ZNF804B: variants seen among roughly 807,000 people sequenced by gnomAD.
The protein encoded by ZNF804B is zinc finger protein 804B.
A neutral mutation model predicts 101.4 loss-of-function variants in ZNF804B; 80 were observed. That is an observed-to-expected ratio of 0.79 (90% CI 0.66 to 0.95). The LOEUF (loss-of-function observed/expected upper bound fraction) is 0.95. ZNF804B is among the 40% of genes least tolerant of loss of function. The probability of loss-of-function intolerance (pLI) is 0.00; values close to 1 mark genes in which losing one functional copy is unlikely to be tolerated. For synonymous variants in ZNF804B, 622 were observed against 558.8 expected (o/e 1.11, Z -1.59); for missense variants, 1,673 against 1,561.9 (o/e 1.07, Z -1.20).
intron 2 of ZNF804B, among the ~76,000 whole-genome samples, chr7:89,233,609 G>A (rs1207156149): frequency 6.6e-6 from 1 of 151,672 alleles, no homozygotes; most frequent in Non-Finnish European, 1.5e-5. Flanking sequence ...TAGGCTGGAG[G>A]AACACTGAAA....
intron 1 of ZNF804B, among the ~76,000 whole-genome samples, chr7:88,849,886 G>A (rs990238020): frequency 7.2e-5 from 11 of 151,764 alleles, no homozygotes; most frequent in Non-Finnish European, 2.9e-5. Flanking sequence ...AACTTATGGA[G>A]TTAAGTTCTC....
intron 1 of ZNF804B, among the ~76,000 whole-genome samples, chr7:88,826,337 A>G (rs936967305): frequency 1.3e-4 from 20 of 152,180 alleles, no homozygotes; most frequent in African/African-American, 4.8e-4. Flanking sequence ...TAAACAAGTC[A>G]CTTAACCTCC....
At chr7:88,981,338 G>A (rs920142162) in intron 1 of ZNF804B, among the ~76,000 whole-genome samples, 1 of 152,068 alleles carries the variant, frequency 6.6e-6, no homozygotes, top group African/African-American at 2.4e-5. Context: ...TCTACCTGAT[G>A]CTCTATTCTA....
At chr7:89,157,534 G>T (rs758228866) in intron 1 of ZNF804B, among the ~76,000 whole-genome samples, 1 of 151,908 alleles carries the variant, frequency 6.6e-6, no homozygotes, top group Non-Finnish European at 1.5e-5. Flanking sequence ...TTTTATAAAA[G>T]TGATCAGGTT....
At chr7:89,157,913 G>A (rs902189413) in intron 1 of ZNF804B, among the ~76,000 whole-genome samples, 7 of 152,084 alleles carry the variant, frequency 4.6e-5, no homozygotes, top group African/African-American at 1.2e-4. Flanking sequence ...AGTTAATACC[G>A]TAAGTTGAGC....
intron 1 of ZNF804B, among the ~76,000 whole-genome samples, chr7:89,069,098 A>G (rs1789497858): frequency 6.6e-6 from 1 of 152,216 alleles, no homozygotes. Context: ...CCCTGTAGGC[A>G]AAAGACACAA....
chr7:88,773,991 C>G (rs1426632609), intron 1 of ZNF804B, among the ~76,000 whole-genome samples: 5 of 151,848 alleles, frequency 3.3e-5, no homozygotes, highest in Non-Finnish European at 5.9e-5. Flanking sequence ...CAAACTGTAT[C>G]AGTGACCAAA....
chr7:89,078,122 G>A (rs1314436536), intron 1 of ZNF804B, among the ~76,000 whole-genome samples: 3 of 152,002 alleles, frequency 2.0e-5, no homozygotes, highest in African/African-American at 4.8e-5. Flanking sequence ...CTTAGTAATG[G>A]GATAGTGAGC....
chr7:88,800,893 G>A (rs1444911142), intron 1 of ZNF804B, among the ~76,000 whole-genome samples: 3 of 152,012 alleles, frequency 2.0e-5, no homozygotes, highest in Admixed American at 6.6e-5. Context: ...GGCCAAAAAT[G>A]TCTAAGTTAG....
At position 89,334,632 on chromosome 7, in the gene ZNF804B, G is replaced by C. The variant is rs1006676024; in HGVS notation, c.1650G>C (p.Arg550Ser). 11 of 1,613,628 alleles carry C rather than the reference G, an allele frequency of 6.8e-6. No individual in the cohort carries two copies. The highest frequency in any genetic ancestry group is 1.3e-5 in the African/African-American group (1 of 74,876). Residue 550 changes from arginine (R) to serine (S), a missense_variant, in exon 4 of 4, where the codon AGG becomes AGC. By Grantham distance (110) the Arg-to-Ser change is moderately radical. Coordinates refer to ENST00000333190, the MANE Select transcript of ZNF804B (RefSeq NM_181646.5). Reference sequence around the variant, plus strand: ...ATCCGGATTGGGAAAAATTCCAGAGGAAATATAATTTGGACTACAGTGATT... The same window carrying C: ...ATCCGGATTGGGAAAAATTCCAGAGCAAATATAATTTGGACTACAGTGATT... ...IANPDWEKFQRKYNLDYSDSE... is the reference protein window; with the variant it reads ...IANPDWEKFQSKYNLDYSDSE...
intron 1 of ZNF804B, among the ~76,000 whole-genome samples, chr7:88,982,033 G>C (rs934400322): frequency 6.6e-5 from 10 of 151,948 alleles, no homozygotes; most frequent in African/African-American, 2.4e-4. Flanking sequence ...TCGGGAGGAT[G>C]ATCACTGGAG....
intron 2 of ZNF804B, among the ~76,000 whole-genome samples, chr7:89,322,871 T>G (rs1192147764): frequency 6.6e-6 from 1 of 152,198 alleles, no homozygotes; most frequent in Non-Finnish European, 1.5e-5. Flanking sequence ...ATATTAATTG[T>G]ATGCACAGTC....
At chr7:89,194,143 C>T (rs1788506235) in intron 1 of ZNF804B, among the ~76,000 whole-genome samples, 1 of 151,936 alleles carries the variant, frequency 6.6e-6, no homozygotes, top group Non-Finnish European at 1.5e-5. Flanking sequence ...GTCCTTTGCC[C>T]ACTTTTTGAT....
chr7:89,044,571 A>C (rs1036785653), intron 1 of ZNF804B, among the ~76,000 whole-genome samples: 4 of 152,196 alleles, frequency 2.6e-5, no homozygotes, highest in Non-Finnish European at 5.9e-5. Context: ...CACTTTGACC[A>C]AAATGCTGAT....
At chr7:89,230,879 T>C (rs987308504) in intron 2 of ZNF804B, among the ~76,000 whole-genome samples, 3 of 152,064 alleles carry the variant, frequency 2.0e-5, no homozygotes, top group Non-Finnish European at 4.4e-5. Flanking sequence ...TATTTAACAT[T>C]TACATATCTT....
chr7:89,020,724 T>G (rs1788653134), intron 1 of ZNF804B, among the ~76,000 whole-genome samples: 1 of 152,204 alleles, frequency 6.6e-6, no homozygotes, highest in Admixed American at 6.5e-5. Context: ...TGGTGTCCCA[T>G]AAATCCTGTA....
chr7:89,053,132 G>T (rs1317982870), intron 1 of ZNF804B, among the ~76,000 whole-genome samples: 2 of 152,108 alleles, frequency 1.3e-5, no homozygotes. Flanking sequence ...GTTTCTTACA[G>T]AATTTTGTAA....
chr7:89,094,548 A>T (rs571387501), intron 1 of ZNF804B, among the ~76,000 whole-genome samples: 3 of 151,638 alleles, frequency 2.0e-5, no homozygotes, highest in South Asian at 2.1e-4. Context: ...TCACTTTTTT[A>T]AAAAAAAATC....
intron 1 of ZNF804B, chr7:88,795,114 T>C: frequency 2.0e-6 from 1 of 498,158 alleles, no homozygotes; most frequent in Non-Finnish European, 3.4e-6. Context: ...CCCAATCTTT[T>C]GCCAGTTTTA....
Sources: allele counts gnomAD v4.1 joint callset (sites outside exome capture counted in the v4.1 genomes callset), GRCh38; gene constraint gnomAD v4.1.1; transcripts MANE v1.5; gene names NCBI Gene and HGNC (gene_info 2026-07-23, HGNC 2026-07-21).